Variants in VPS13D observed in about 807,000 individuals in gnomAD.
VPS13D encodes the protein vacuolar protein sorting 13 homolog D.
A neutral mutation model predicts 461.9 loss-of-function variants in VPS13D; 187 were observed. That is an observed-to-expected ratio of 0.40 (90% CI 0.36 to 0.46). The LOEUF (loss-of-function observed/expected upper bound fraction) is 0.46, where lower values mean the gene tolerates loss of function less well. Ranked by LOEUF, VPS13D falls within the 20% of genes least tolerant of loss-of-function variation. VPS13D has a pLI of 0.60. For synonymous variants in VPS13D, 1,951 were observed against 1,986.3 expected, an observed-to-expected ratio of 0.98 and a Z score of 0.47; for missense variants, 4,711 against 5,364.9, an observed-to-expected ratio of 0.88 and a Z score of 3.81.
chr1:12,441,356 G>A (rs563501393), intron 65 of VPS13D, among the ~76,000 whole-genome samples: 4 of 152,286 alleles, frequency 2.6e-5, no homozygotes, highest in African/African-American at 9.6e-5. Context: ...CGGGGCGGGG[G>A]ACAGGGTACA....
chr1:12,360,540 A>G (rs1339315634), intron 50 of VPS13D, among the ~76,000 whole-genome samples: 1 of 152,172 alleles, frequency 6.6e-6, no homozygotes, highest in East Asian at 1.9e-4. Flanking sequence ...AGAGTACCCT[A>G]GACTCTTTTT....
At chr1:12,295,428 G>A (rs984551753) in intron 24 of VPS13D, among the ~76,000 whole-genome samples, 6 of 152,084 alleles carry the variant, frequency 3.9e-5, no homozygotes, top group African/African-American at 1.4e-4. Context: ...CAACTGTCTA[G>A]TTTCTCTCTC....
chr1:12,269,594 G>A (rs1209657831), intron 16 of VPS13D, among the ~76,000 whole-genome samples: 1 of 152,152 alleles, frequency 6.6e-6, no homozygotes, highest in Non-Finnish European at 1.5e-5. Flanking sequence ...CCTCCTTTGT[G>A]CAGCATTAAA....
chr1:12,319,534 C>T lies in VPS13D; in HGVS notation c.7452C>T (p.Phe2484=), dbSNP rs141091684. 8.7e-6 allele frequency: 14 copies of T among 1,614,022 alleles called. No individual in the cohort carries two copies. In the African/African-American group the frequency reaches 1.1e-4, roughly 12 times the overall value. The change falls in exon 32 of 70, where the codon TTC becomes TTT. Residue 2484 remains phenylalanine, a synonymous_variant. Transcript: ENST00000620676. The part of the protein sequence containing the change: ...EFVVIEDVSC[F]DTNAIILKGT... ...TGGTCATTGAAGATGTGTCCTGCTT[C>T]GACACCAATGCCATTATTCTGAAAG...
chr1:12,400,141 C>A, intron 60 of VPS13D, 40 bp from the exon 61 acceptor site: 2 of 1,601,752 alleles, frequency 1.2e-6, no homozygotes, highest in South Asian at 2.2e-5. Context: ...AGCCACTGGT[C>A]TGTTTTTGTT....
At chr1:12,317,192 G>A (rs1569889162) in intron 30 of VPS13D, among the ~76,000 whole-genome samples, 1 of 152,166 alleles carries the variant, frequency 6.6e-6, no homozygotes, top group East Asian at 1.9e-4. Context: ...CAAAGAAGGA[G>A]TGCCTCATTG....
rs899104347 is a variant in VPS13D at position 12,322,312 on chromosome 1, C to T, written c.7705-224C>T. On this transcript the variant is annotated intron_variant, in intron 33 of 69. Coordinates refer to ENST00000620676, the MANE Select transcript of VPS13D (RefSeq NM_015378.4). ...CGATCTCCTCACCTCGTGATCCGCC[C>T]GCTACATGGTGCAGTTTTGTGACCA... Among the ~76,000 whole-genome samples the T allele has an allele frequency of 7.2e-5, 11 of 152,124 alleles. No homozygotes were observed. The East Asian group carries it at 7.7e-4, about 11-fold the overall frequency.
chr1:12,500,219 G>A (rs763214133), intron 68 of VPS13D: 138 of 984,094 alleles, frequency 1.4e-4, no homozygotes, highest in Non-Finnish European at 1.6e-4. Context: ...AGTTACCAAC[G>A]TATGATTTCT....
At chr1:12,261,861 C>G in intron 12 of VPS13D, 40 bp from the exon 13 acceptor site, 1 of 1,526,174 alleles carries the variant, frequency 6.6e-7, no homozygotes, top group Non-Finnish European at 8.9e-7. Flanking sequence ...TTTTATTCTT[C>G]CACGTTTTTT....
chr1:12,504,816 G>GA, intron 68 of VPS13D, among the ~76,000 whole-genome samples: 1 of 152,332 alleles, frequency 6.6e-6, no homozygotes, highest in East Asian at 1.9e-4. Flanking sequence ...AAGTGTTCCA[G>GA]GATGGAAAGC....
intron 64 of VPS13D, 122 bp downstream of exon 64, chr1:12,415,343 G>T (rs1312439173): frequency 6.1e-6 from 8 of 1,306,118 alleles, no homozygotes. Flanking sequence ...CAACTCTGTT[G>T]TGTTACGGGT....
intron 1 of VPS13D, among the ~76,000 whole-genome samples, chr1:12,232,154 GA>G (rs56976053): frequency 2.0e-5 from 3 of 151,102 alleles, no homozygotes; most frequent in East Asian, 3.9e-4. Context: ...TCCATTTGCA[GA>G]AAAAAAAATC....
intron 21 of VPS13D, among the ~76,000 whole-genome samples, chr1:12,285,963 CTT>C (rs1284418071): frequency 4.4e-4 from 58 of 132,968 alleles, no homozygotes; most frequent in Non-Finnish European, 6.2e-4. Flanking sequence ...CTTTCCTTTC[CTT>C]TCCTTTCCTT....
rs546931261 is a variant in VPS13D at position 12,479,422 on chromosome 1, C to T, written c.12663-18078C>T. ...CAATGGACAATGCCTCTTAGGCAGA[C>T]ACCTGCTCGGGATGACAGTGCTGCA... On this transcript the variant is annotated intron_variant, in intron 67 of 69. Coordinates refer to ENST00000620676, the MANE Select transcript of VPS13D (RefSeq NM_015378.4). Among the ~76,000 whole-genome samples the T allele has an allele frequency of 1.8e-4, 27 of 152,348 alleles. No individual in the cohort carries two copies. In the South Asian group the frequency reaches 5.6e-3, roughly 32 times the overall value.
intron 21 of VPS13D, among the ~76,000 whole-genome samples, chr1:12,285,656 T>TA (rs1641944676): frequency 6.6e-6 from 1 of 152,160 alleles, no homozygotes; most frequent in South Asian, 2.1e-4. Context: ...TATTTATTTC[T>TA]AAAAAAACAA....
chr1:12,497,510 C>G lies in VPS13D; in HGVS notation c.12673C>G (p.Gln4225Glu). ...ATLSGPRTQAQRVRKPRCCTG... is the reference protein window; with the variant it reads ...ATLSGPRTQAERVRKPRCCTG... Reference sequence around the variant, plus strand: ...CATTTACCCATCTAGGACTCAAGCACAGAGGGTTCGGAAACCGCGTTGCTG... The same window carrying G: ...CATTTACCCATCTAGGACTCAAGCAGAGAGGGTTCGGAAACCGCGTTGCTG... The change falls in exon 68 of 70, where the codon CAG becomes GAG. Residue 4225 changes from glutamine (Q) to glutamate (E), a missense_variant. Gln to Glu is a conservative substitution (Grantham distance 29). This residue lies in a region of VPS13D where 194 missense variants were observed against 220.9 expected (regional missense o/e 0.88). Coordinates refer to ENST00000620676, the MANE Select transcript of VPS13D (RefSeq NM_015378.4). 6.2e-7 allele frequency: 1 copy of G among 1,613,902 alleles called. No individual in the cohort carries two copies. The highest frequency in any genetic ancestry group is 8.5e-7 in the Non-Finnish European group (1 of 1,179,866).
intron 52 of VPS13D, 71 bp downstream of exon 52, chr1:12,363,318 C>T: frequency 6.7e-7 from 1 of 1,503,412 alleles, no homozygotes; most frequent in African/African-American, 1.4e-5. Flanking sequence ...AATAACAAGC[C>T]TTGTGTAAAA....
chr1:12,335,546 G>A (rs1431690894), intron 38 of VPS13D, among the ~76,000 whole-genome samples, 159 bp from the exon 39 acceptor site: 2 of 152,160 alleles, frequency 1.3e-5, no homozygotes, highest in African/African-American at 4.8e-5. Flanking sequence ...TTTCAGTGGA[G>A]CGTGAGGCTC....
At chr1:12,255,803 A>G (rs1031967708) in intron 7 of VPS13D, among the ~76,000 whole-genome samples, 7 of 151,172 alleles carry the variant, frequency 4.6e-5, no homozygotes, top group African/African-American at 1.7e-4. Context: ...AAGTAGGAAA[A>G]TTGCTTAAAC....
Sources: allele counts gnomAD v4.1 joint callset (sites outside exome capture counted in the v4.1 genomes callset), GRCh38; gene constraint gnomAD v4.1.1; regional missense constraint gnomAD v4.1.1; transcripts MANE v1.5; gene names NCBI Gene and HGNC (gene_info 2026-07-23, HGNC 2026-07-21).